The following DENND1B variants were observed in gnomAD, a reference collection of about 807,000 sequenced individuals.
DENND1B encodes the protein DENN domain-containing protein 1B.
DENND1B carries 59 observed loss-of-function variants against 90.1 expected under a neutral mutation model. The ratio of observed to expected loss-of-function variants is 0.65; its 90% CI spans 0.53 to 0.81. DENND1B has a LOEUF of 0.81. DENND1B is among the 40% of genes least tolerant of loss of function. DENND1B has a pLI of 0.00. For missense variants in DENND1B, 862 were observed against 912.6 expected, an observed-to-expected ratio of 0.94 and a Z score of 0.71; for synonymous variants, 337 against 324.6, an observed-to-expected ratio of 1.04 and a Z score of -0.41.
chr1:197,655,539 T>C (rs1440723475), intron 6 of DENND1B, among the ~76,000 whole-genome samples: 2 of 152,024 alleles, frequency 1.3e-5, no homozygotes, highest in African/African-American at 4.8e-5. Flanking sequence ...TAACTTTTTT[T>C]TTTTTTTTTT....
At chr1:197,550,259 C>T (rs1671115701) in intron 16 of DENND1B, among the ~76,000 whole-genome samples, 1 of 152,060 alleles carries the variant, frequency 6.6e-6, no homozygotes, top group Admixed American at 6.6e-5. Context: ...AAGTATTACT[C>T]TTGTTTACTG....
chr1:197,692,643 C>T (rs1227102919), intron 3 of DENND1B, among the ~76,000 whole-genome samples: 3 of 151,740 alleles, frequency 2.0e-5, no homozygotes, highest in South Asian at 2.1e-4. Context: ...CAGACTATTA[C>T]AATTTGCAAT....
At chr1:197,695,829 ATAATT>A (rs1658378911) in intron 3 of DENND1B, among the ~76,000 whole-genome samples, 1 of 151,270 alleles carries the variant, frequency 6.6e-6, no homozygotes, top group Non-Finnish European at 1.5e-5. Flanking sequence ...TTATTTCTGA[ATAATT>A]TATATCTTCT....
At chr1:197,600,694 T>C (rs1435375746) in intron 13 of DENND1B, among the ~76,000 whole-genome samples, 1 of 151,540 alleles carries the variant, frequency 6.6e-6, no homozygotes, top group African/African-American at 2.4e-5. Flanking sequence ...GTATAAAGGA[T>C]AATAAACAGT....
At chr1:197,511,680 G>C (rs1470625881) in intron 22 of DENND1B, 48 bp downstream of exon 22, 2 of 1,456,030 alleles carry the variant, frequency 1.4e-6, no homozygotes, top group Non-Finnish European at 1.9e-6. Flanking sequence ...CACAGCCAAG[G>C]CAAGAATATT....
At chr1:197,593,000 A>T (rs2125801815) in intron 14 of DENND1B, among the ~76,000 whole-genome samples, 1 of 152,200 alleles carries the variant, frequency 6.6e-6, no homozygotes, top group African/African-American at 2.4e-5. Flanking sequence ...CCCTTTTTTT[A>T]AATATCAACC....
rs552719135 is a variant in DENND1B, at chr1:197,617,700, T to C, written c.732A>G (p.Ile244Met). Residue 244 changes from isoleucine to methionine, a missense_variant, in exon 11 of 23, where the codon ATA (isoleucine) becomes ATG (methionine). Physicochemically the swap from Ile to Met is conservative, Grantham distance 10. Coordinates refer to ENST00000620048, the MANE Select transcript of DENND1B (RefSeq NM_001195215.2). The part of the protein sequence containing the change: ...ALLYPMYWQH[I>M]YIPVLPPHLL... The stretch of plus-strand genomic sequence containing the variant: ...GGTGTGGAGGAAGCACTGGGATGTA[T>C]ATGTGTTGCCAATACATTGGGTATA... 78 of 1,607,714 alleles carry C rather than the reference T, an allele frequency of 4.9e-5. 1 individual carries two copies. The highest frequency in any genetic ancestry group is 2.2e-4 in the South Asian group (20 of 90,942).
intron 11 of DENND1B, among the ~76,000 whole-genome samples, chr1:197,615,391 C>T (rs1677554668): frequency 6.6e-6 from 1 of 151,000 alleles, no homozygotes; most frequent in South Asian, 2.1e-4. Flanking sequence ...CAACCCACAC[C>T]AGAGCTACCA....
chr1:197,589,416 T>C (rs1274737965), intron 14 of DENND1B, among the ~76,000 whole-genome samples: 1 of 152,148 alleles, frequency 6.6e-6, no homozygotes, highest in Non-Finnish European at 1.5e-5. Context: ...GTGGTAACCA[T>C]CTCTCAAGTC....
At chr1:197,595,382 A>G in intron 13 of DENND1B, 49 bp from the exon 14 acceptor site, 1 of 1,597,214 alleles carries the variant, frequency 6.3e-7, no homozygotes, top group Non-Finnish European at 8.5e-7. Flanking sequence ...AAATTGGTAC[A>G]GCGAGGTAGG....
At chr1:197,780,327 C>CTT (rs1265410957), upstream of DENND1B, among the ~76,000 whole-genome samples, 302 of 134,128 alleles carry the variant, frequency 2.3e-3, 2 homozygotes, top group African/African-American at 8.0e-3. Context: ...GGTGGCTTTT[C>CTT]TTTTTTTTTT....
At chr1:197,695,823 T>G (rs575753938) in intron 3 of DENND1B, among the ~76,000 whole-genome samples, 113 of 151,384 alleles carry the variant, frequency 7.5e-4, no homozygotes, top group Non-Finnish European at 1.5e-3. Context: ...AATAAATTAT[T>G]TCTGAATAAT....
chr1:197,536,146 G>T (rs1486028318), intron 20 of DENND1B, among the ~76,000 whole-genome samples: 3 of 119,310 alleles, frequency 2.5e-5, no homozygotes, highest in African/African-American at 9.9e-5. Flanking sequence ...GATTGAGAGA[G>T]AGAGAGAGAG....
At chr1:197,525,064 A>G (rs1669047108) in intron 20 of DENND1B, among the ~76,000 whole-genome samples, 1 of 152,142 alleles carries the variant, frequency 6.6e-6, no homozygotes. Context: ...ATTCTAAAAG[A>G]CTGTCTCTCA....
chr1:197,726,270 G>A (rs1661624847), intron 2 of DENND1B, among the ~76,000 whole-genome samples: 1 of 152,090 alleles, frequency 6.6e-6, no homozygotes, highest in Non-Finnish European at 1.5e-5. Context: ...GGAAAGAAAA[G>A]AATCGTGTTT....
intron 20 of DENND1B, among the ~76,000 whole-genome samples, chr1:197,517,148 AGT>A (rs1488260883): frequency 6.6e-6 from 1 of 151,894 alleles, no homozygotes; most frequent in East Asian, 1.9e-4. Flanking sequence ...CATGGAAGAC[AGT>A]AGTAGCATGA....
intron 15 of DENND1B, among the ~76,000 whole-genome samples, chr1:197,567,823 G>A (rs1558250537): frequency 6.6e-6 from 1 of 151,924 alleles, no homozygotes; most frequent in Non-Finnish European, 1.5e-5. Context: ...ACAATAAAAG[G>A]AAAAATATAA....
intron 6 of DENND1B, among the ~76,000 whole-genome samples, chr1:197,653,127 A>G (rs1391836671): frequency 1.3e-5 from 2 of 152,058 alleles, no homozygotes; most frequent in African/African-American, 4.8e-5. Flanking sequence ...CCAAAACTTA[A>G]TAAATCAGAA....
chr1:197,737,537 C>G (rs911064857), intron 2 of DENND1B, among the ~76,000 whole-genome samples: 1 of 151,598 alleles, frequency 6.6e-6, no homozygotes, highest in Non-Finnish European at 1.5e-5. Flanking sequence ...CCCCTGAAAA[C>G]AAGGAGATTT....
Sources: allele counts gnomAD v4.1 joint callset (sites outside exome capture counted in the v4.1 genomes callset), GRCh38; gene constraint gnomAD v4.1.1; transcripts MANE v1.5; gene names NCBI Gene and HGNC (gene_info 2026-07-23, HGNC 2026-07-21).